CYP27C1: variants seen among roughly 807,000 people sequenced by gnomAD.
CYP27C1 encodes cytochrome P450 27C1.
CYP27C1 carries 29 observed loss-of-function variants against 40.6 expected under a neutral mutation model. The observed-to-expected ratio is 0.71, with a 90% CI of 0.53 to 0.97. The LOEUF is 0.97. Among genes scored for constraint, CYP27C1 ranks in the 50% least tolerant of loss-of-function variants. The pLI is 0.00. For synonymous variants in CYP27C1, 198 were observed against 186.8 expected, an observed-to-expected ratio of 1.06 and a Z score of -0.49; for missense variants, 390 against 485.8, an observed-to-expected ratio of 0.80 and a Z score of 1.85.
At chr2:127,217,411 T>C (rs1415719468) in intron 1 of CYP27C1, among the ~76,000 whole-genome samples, 2 of 152,242 alleles carry the variant, frequency 1.3e-5, no homozygotes, top group Non-Finnish European at 2.9e-5. Flanking sequence ...CTGATCGTTA[T>C]TATTTGTTAT....
intron 2 of CYP27C1, among the ~76,000 whole-genome samples, chr2:127,204,113 A>C (rs1031327383): frequency 6.6e-6 from 1 of 151,170 alleles, no homozygotes; most frequent in African/African-American, 2.4e-5. Flanking sequence ...AAAAATAGAA[A>C]AATTTAGCCG....
At position 127,193,685 on chromosome 2, in the gene CYP27C1, C is replaced by T. The variant is rs182577349; in HGVS notation, c.1293+104G>A. ...AAAATACATGCAAAAGAAAAGGAAA[C>T]CTATTGATCTCTGCTTAGGGACAAA... On this transcript the variant is annotated intron_variant, in intron 7 of 8. Transcript: ENST00000664447. 542 of 1,220,976 alleles carry T rather than the reference C, an allele frequency of 4.4e-4. 3 individuals are homozygous for T. The African/African-American group carries it at 7.2e-3, about 16-fold the overall frequency. The allele number at this position is 1,220,976 out of a possible 1,614,324, so 75.6% of individuals were successfully genotyped here.
At position 127,196,019 on chromosome 2, in the gene CYP27C1, A is replaced by G. The variant is rs558172622; in HGVS notation, c.1048-518T>C. ...CATCGTGTCCTGCCTTCATCAAGTA[A>G]GGTCCACACAGAGCAAGTCAATAAC... On this transcript the variant is annotated intron_variant, in intron 5 of 8. Coordinates refer to ENST00000664447, the MANE Select transcript of CYP27C1 (RefSeq NM_001367502.1). This position sits in a 1 kb window ranked among gnomAD's most constrained non-coding sequence, Gnocchi z 4.5. 6.6e-6 allele frequency among the ~76,000 whole-genome samples: 1 copy of G among 151,832 alleles called. No individual in the cohort carries two copies. Among genetic ancestry groups the G allele is most frequent in the Admixed American group, 6.6e-5 (1 of 15,262 alleles).
chr2:127,187,372 C>G lies in CYP27C1; in HGVS notation c.1513G>C (p.Glu505Gln). Residue 505 changes from glutamate to glutamine, a missense_variant, in exon 9 of 9, where the codon GAG (glutamate) becomes CAG (glutamine). Transcript: ENST00000664447. ...TTGGTCTGAGAAGATGTTTTGATCT[C>G]AAAATGTTGAAGCAACTAAGAAGAG... Reference protein sequence around the residue: ...LVVIQLLQHFEIKTSSQTNAV... With the variant: ...LVVIQLLQHFQIKTSSQTNAV... The G allele has an allele frequency of 6.2e-7, 1 of 1,613,978 alleles. No homozygotes were observed. Among genetic ancestry groups the G allele is most frequent in the South Asian group, 1.1e-5 (1 of 91,038 alleles).
intron 1 of CYP27C1, among the ~76,000 whole-genome samples, chr2:127,210,689 A>C (rs1181477447): frequency 7.0e-6 from 1 of 142,120 alleles, no homozygotes; most frequent in African/African-American, 2.6e-5. Context: ...GTGAAAAGTG[A>C]AAAAAAAAAA....
chr2:127,212,178 A>G (rs921340645), intron 1 of CYP27C1, among the ~76,000 whole-genome samples: 10 of 152,226 alleles, frequency 6.6e-5, no homozygotes, highest in Non-Finnish European at 1.5e-4. Flanking sequence ...AGTAATTAAT[A>G]GTCTACCAAC....
intron 1 of CYP27C1, among the ~76,000 whole-genome samples, chr2:127,213,879 A>C (rs559046811): frequency 8.5e-5 from 13 of 152,248 alleles, no homozygotes; most frequent in Non-Finnish European, 1.5e-4. Flanking sequence ...CAGGCAACCT[A>C]CAGAATGGGA....
chr2:127,214,004 T>C (rs182265640), intron 1 of CYP27C1, among the ~76,000 whole-genome samples: 2 of 152,160 alleles, frequency 1.3e-5, no homozygotes, highest in African/African-American at 4.8e-5. Context: ...GGGCAAAGAA[T>C]ATAAACAGAC....
rs1558930948 is a variant in CYP27C1 at position 127,204,464 on chromosome 2, GAAAGAAAGAAAGAAAGA to G, written c.474-910_474-894del. Among the ~76,000 whole-genome samples the G allele has an allele frequency of 1.5e-3, 107 of 70,698 alleles. 3 individuals are homozygous for G. The highest frequency in any genetic ancestry group is 2.4e-3 in the Non-Finnish European group (85 of 34,754). The allele number at this position is 70,698 out of a possible 152,430, so 46.4% of individuals were successfully genotyped here. A position where few individuals can be genotyped will look rare whatever the true frequency, so the allele number is the denominator to read the frequency against. ...AAAAAGAAAGAAAGAAAGAAAGAAA[GAAAGAAAGAAAGAAAGA>G]AAGAAAGGAAGGAAGGAAGGAAGGA... On this transcript the variant is annotated intron_variant, in intron 2 of 8. Coordinates refer to ENST00000664447, the MANE Select transcript of CYP27C1 (RefSeq NM_001367502.1).
At chr2:127,212,065 T>C (rs1683349550) in intron 1 of CYP27C1, among the ~76,000 whole-genome samples, 2 of 152,120 alleles carry the variant, frequency 1.3e-5, no homozygotes, top group Non-Finnish European at 2.9e-5. Context: ...CTAGAAAATC[T>C]AGAAGAAATG....
In CYP27C1 at chr2:127,193,757, AGGCCTGGCCACCCCCAT is replaced by A. The variant is rs1161552995; in HGVS notation, c.1293+15_1293+31del. 2 of 1,613,018 alleles carry A rather than the reference AGGCCTGGCCACCCCCAT, an allele frequency of 1.2e-6. No individual in the cohort carries two copies. Among genetic ancestry groups the A allele is most frequent in the Admixed American group, 3.3e-5 (2 of 59,988 alleles). On this transcript the variant is annotated intron_variant, in intron 7 of 8. Coordinates refer to ENST00000664447, the MANE Select transcript of CYP27C1 (RefSeq NM_001367502.1). ...GATTCCAATTCAACCCCGACCCGCA[AGGCCTGGCCACCCCCAT>A]GGCCCCAAACTCACGCCTTTCGGAA...
intron 2 of CYP27C1, among the ~76,000 whole-genome samples, chr2:127,205,342 T>C (rs1040115459): frequency 6.6e-6 from 1 of 152,178 alleles, no homozygotes; most frequent in Admixed American, 6.5e-5. Flanking sequence ...TCCCACCCCA[T>C]GGGGATTTGG....
Position 127,195,545 on chromosome 2 carries a change from C to A in CYP27C1, c.1048-44G>T, listed in dbSNP as rs770656361. The A allele has an allele frequency of 6.2e-7, 1 of 1,602,412 alleles. No individual in the cohort carries two copies. The highest frequency in any genetic ancestry group is 1.1e-5 in the South Asian group (1 of 89,610). ...AGACACAGGCAGGCAGTGAGTAACACCAGGGACTGAAACAGAGGCGGTGGC... is the reference window on the plus strand; with the variant it reads ...AGACACAGGCAGGCAGTGAGTAACAACAGGGACTGAAACAGAGGCGGTGGC... On this transcript the variant is annotated intron_variant, in intron 5 of 8. Coordinates refer to ENST00000664447, the MANE Select transcript of CYP27C1 (RefSeq NM_001367502.1). The surrounding 1 kb of genome is among the most constrained non-coding windows in gnomAD (Gnocchi z 6.2).
intron 2 of CYP27C1, among the ~76,000 whole-genome samples, chr2:127,204,508 A>G (rs112411551): frequency 0.013 from 705 of 56,304 alleles, 50 homozygotes; most frequent in African/African-American, 0.028. Context: ...AAGGAAGGAA[A>G]GAAAGAAGGA....
chr2:127,198,668 T>C (rs1027307601), intron 5 of CYP27C1, among the ~76,000 whole-genome samples: 1 of 152,204 alleles, frequency 6.6e-6, no homozygotes, highest in Non-Finnish European at 1.5e-5. Flanking sequence ...TGTTTAAGTA[T>C]GTTAGATACA....
rs1683501568 is a variant in CYP27C1 at position 127,219,279 on chromosome 2, C to A, written c.282+710G>T. On this transcript the variant is annotated intron_variant, in intron 1 of 8. Transcript: ENST00000664447. The surrounding 1 kb of genome is among the most constrained non-coding windows in gnomAD (Gnocchi z 8.7). ...CCCCTCAGCCCCAACTCCGCGGGTC[C>A]CGCCAGCTCTCCACTCCCAGGCCCC... Among the ~76,000 whole-genome samples, 1 of 152,120 alleles carries A rather than the reference C, an allele frequency of 6.6e-6. No homozygotes were observed. The highest frequency in any genetic ancestry group is 6.5e-5 in the Admixed American group (1 of 15,282).
At chr2:127,190,177 C>T (rs912892739) in intron 8 of CYP27C1, among the ~76,000 whole-genome samples, 2 of 151,864 alleles carry the variant, frequency 1.3e-5, no homozygotes. Context: ...ATTTGGATCA[C>T]TTATATTTTT....
chr2:127,188,624 A>G (rs1682692125), intron 8 of CYP27C1, among the ~76,000 whole-genome samples: 1 of 148,880 alleles, frequency 6.7e-6, no homozygotes, highest in Non-Finnish European at 1.5e-5. Context: ...AGTAATGAAA[A>G]AGGAATGAAT....
intron 8 of CYP27C1, among the ~76,000 whole-genome samples, chr2:127,190,079 A>G (rs1682729632): frequency 6.6e-6 from 1 of 152,192 alleles, no homozygotes; most frequent in Non-Finnish European, 1.5e-5. Flanking sequence ...AGGATAATTT[A>G]GGGGTAAATC....
Sources: allele counts gnomAD v4.1 joint callset (sites outside exome capture counted in the v4.1 genomes callset), GRCh38; gene constraint gnomAD v4.1.1; non-coding constraint Gnocchi (gnomAD v3.1); transcripts MANE v1.5; gene names NCBI Gene and HGNC (gene_info 2026-07-23, HGNC 2026-07-21).